PRMT2: variants seen among roughly 807,000 people sequenced by gnomAD.
The protein encoded by PRMT2 is protein arginine methyltransferase 2.
Under a neutral mutation model 57.6 loss-of-function variants are expected in PRMT2, and 26 were observed. The observed-to-expected ratio is 0.45, with a 90% CI of 0.33 to 0.63. The LOEUF (loss-of-function observed/expected upper bound fraction) is 0.63, where lower values mean the gene tolerates loss of function less well. Among genes scored for constraint, PRMT2 ranks in the 20% least tolerant of loss-of-function variants. The probability of loss-of-function intolerance (pLI) is 0.02; values close to 1 mark genes in which losing one functional copy is unlikely to be tolerated. For missense variants in PRMT2, 472 were observed against 564.4 expected, an observed-to-expected ratio of 0.84 and a Z score of 1.66; for synonymous variants, 219 against 220.0, an observed-to-expected ratio of 1.00 and a Z score of 0.04.
chr21:46,658,797 A>T lies in PRMT2; in HGVS notation c.707A>T (p.Glu236Val), dbSNP rs1363836313. The T allele has an allele frequency of 6.2e-7, 1 of 1,614,200 alleles. No homozygotes were observed. Among genetic ancestry groups the T allele is most frequent in the Non-Finnish European group, 8.5e-7 (1 of 1,180,036 alleles). The change falls in exon 8 of 12, where the codon GAG becomes GTG. Residue 236 changes from glutamate to valine, a missense_variant. This residue lies in a region of PRMT2 where 243 missense variants were observed against 347.2 expected (regional missense o/e 0.70). Transcript: ENST00000355680. ...ILYARDAWLK[E>V]DGVIWPTMAA... The stretch of plus-strand genomic sequence containing the variant: ...TATGCCCGGGATGCCTGGCTGAAGG[A>T]GGACGGGGTCATTTGGCCCACCATG...
At chr21:46,652,716 A>G (rs62225735) in intron 7 of PRMT2, 31,324 of 1,123,958 alleles carry the variant, frequency 0.028, 480 homozygotes, top group Middle Eastern at 0.035. Flanking sequence ...TTGTTTTTCC[A>G]GAAGCAGCAA....
chr21:46,636,316 CA>C (rs1825994637), intron 1 of PRMT2, 122 bp from the exon 2 acceptor site: 1 of 152,354 alleles, frequency 6.6e-6, no homozygotes, highest in Admixed American at 6.5e-5. Context: ...TATAATTATG[CA>C]AATCAGTAAG....
intron 3 of PRMT2, among the ~76,000 whole-genome samples, chr21:46,643,001 T>G (rs1275763869): frequency 6.7e-6 from 1 of 148,326 alleles, no homozygotes; most frequent in Non-Finnish European, 1.5e-5. Context: ...CCCTCCAGCC[T>G]GGGCAACAGA....
At chr21:46,661,570 A>C in intron 9 of PRMT2, 3 of 359,000 alleles carry the variant, frequency 8.4e-6, no homozygotes, top group Non-Finnish European at 4.9e-6. Flanking sequence ...ATTCCGCAGA[A>C]TCTGGGGTAG....
Position 46,653,836 on chromosome 21 carries a change from C to T in PRMT2, c.654+4097C>T, listed in dbSNP as rs111517006. 117 of 1,040,062 alleles carry T rather than the reference C, an allele frequency of 1.1e-4. 3 individuals carry two copies. The African/African-American group carries it at 1.6e-3, about 14-fold the overall frequency. 64.4% of individuals were successfully genotyped at this position (1,040,062 alleles called of 1,614,324 possible). On this transcript the variant is annotated intron_variant, in intron 7 of 11. Coordinates refer to ENST00000355680, the MANE Select transcript of PRMT2 (RefSeq NM_206962.4). ...CACATGCTTGAAGGACCGCTTATGG[C>T]TACACTTAGACATCTCCAACCAAGG...
intron 5 of PRMT2, among the ~76,000 whole-genome samples, chr21:46,647,117 T>C (rs1639339967): frequency 6.6e-6 from 1 of 152,202 alleles, no homozygotes; most frequent in Non-Finnish European, 1.5e-5. Context: ...CTACCACAAA[T>C]CAAAGTGAAA....
chr21:46,658,482 C>G, intron 7 of PRMT2: 1 of 431,980 alleles, frequency 2.3e-6, no homozygotes, highest in Non-Finnish European at 4.0e-6. Flanking sequence ...GAAGATTTGT[C>G]CTTGCTTTTA....
chr21:46,646,652 C>T (rs551354600), intron 5 of PRMT2, among the ~76,000 whole-genome samples: 1 of 152,254 alleles, frequency 6.6e-6, no homozygotes, highest in Non-Finnish European at 1.5e-5. Context: ...ATAAATAATG[C>T]TGTAATGGAG....
In PRMT2 at chr21:46,664,433, ACATT is replaced by A; in HGVS notation, c.*109_*112del. 7.1e-7 allele frequency: 1 copy of A among 1,403,914 alleles called. No homozygotes were observed. Among genetic ancestry groups the A allele is most frequent in the South Asian group, 1.2e-5 (1 of 86,368 alleles). The allele number at this position is 1,403,914 out of a possible 1,614,324, so 87.0% of individuals were successfully genotyped here. A position where few individuals can be genotyped will look rare whatever the true frequency, so the allele number is the denominator to read the frequency against. On this transcript the variant is annotated 3_prime_UTR_variant, in exon 12 of 12. Transcript: ENST00000355680. ...TGCACACTCCTGCGAAAGTCGGTGA[ACATT>A]CACTCCACATTGACCCCTCCCTAGC...
chr21:46,652,251 G>T, intron 7 of PRMT2: 1 of 1,350,118 alleles, frequency 7.4e-7, no homozygotes, highest in Non-Finnish European at 9.5e-7. Flanking sequence ...TTTGTTGTTA[G>T]GATGGGAAAG....
At chr21:46,639,658 CTTT>C (rs59630153) in intron 3 of PRMT2, among the ~76,000 whole-genome samples, 1 of 130,298 alleles carries the variant, frequency 7.7e-6, no homozygotes, top group African/African-American at 2.7e-5. Flanking sequence ...GCTGTACCAG[CTTT>C]TTTTTTTTAT....
chr21:46,647,330 T>C (rs1448672177), intron 5 of PRMT2, among the ~76,000 whole-genome samples: 1 of 152,216 alleles, frequency 6.6e-6, no homozygotes, highest in African/African-American at 2.4e-5. Context: ...TTTGTGACTT[T>C]GTGAAATTTT....
At chr21:46,646,416 T>C (rs1015041168) in intron 5 of PRMT2, among the ~76,000 whole-genome samples, 2 of 152,234 alleles carry the variant, frequency 1.3e-5, no homozygotes, top group Non-Finnish European at 2.9e-5. Context: ...TCCTCTGTGC[T>C]TATGAAGTCC....
intron 4 of PRMT2, among the ~76,000 whole-genome samples, chr21:46,644,008 G>A (rs1475746218): frequency 1.3e-5 from 2 of 152,182 alleles, no homozygotes; most frequent in Non-Finnish European, 2.9e-5. Flanking sequence ...TAACTCAGTT[G>A]GCATAGTTGA....
intron 8 of PRMT2, chr21:46,660,235 T>C (rs1723856871): frequency 2.2e-6 from 2 of 907,736 alleles, no homozygotes; most frequent in Non-Finnish European, 2.6e-6. Context: ...GTGATGGGGG[T>C]TGGCAAACGG....
At chr21:46,653,798 G>A in intron 7 of PRMT2, 2 of 1,075,734 alleles carry the variant, frequency 1.9e-6, no homozygotes, top group Non-Finnish European at 2.3e-6. Flanking sequence ...TCTTTTTCAG[G>A]AAACATTGCC....
chr21:46,658,683 AG>A, intron 7 of PRMT2, 61 bp from the exon 8 acceptor site: 1 of 1,584,076 alleles, frequency 6.3e-7, no homozygotes, highest in Non-Finnish European at 8.6e-7. Flanking sequence ...TGTGGTGGTG[AG>A]AGGCCTGTGC....
intron 5 of PRMT2, among the ~76,000 whole-genome samples, chr21:46,645,652 G>T (rs532926390): frequency 5.6e-4 from 85 of 151,972 alleles, no homozygotes; most frequent in African/African-American, 1.8e-3. Context: ...ATAGGGCAAA[G>T]AATCTATAAC....
chr21:46,650,148 G>A (rs982070406), intron 7 of PRMT2, among the ~76,000 whole-genome samples: 1 of 152,200 alleles, frequency 6.6e-6, no homozygotes, highest in Non-Finnish European at 1.5e-5. Flanking sequence ...GCCAGCATAT[G>A]CCTGTCCTGT....
Sources: allele counts gnomAD v4.1 joint callset (sites outside exome capture counted in the v4.1 genomes callset), GRCh38; gene constraint gnomAD v4.1.1; regional missense constraint gnomAD v4.1.1; transcripts MANE v1.5; gene names NCBI Gene and HGNC (gene_info 2026-07-23, HGNC 2026-07-21).